EIF2A: variants seen among roughly 807,000 people sequenced by gnomAD.
The protein encoded by EIF2A is 65 kDa eukaryotic translation initiation factor 2A.
Under a neutral mutation model 75.2 loss-of-function variants are expected in EIF2A, and 62 were observed. The observed-to-expected ratio is 0.82, with a 90% CI of 0.67 to 1.02. EIF2A has a LOEUF of 1.02. Among genes scored for constraint, EIF2A ranks in the 50% least tolerant of loss-of-function variants. The pLI, the probability that EIF2A is intolerant of heterozygous loss-of-function variation, is 0.00. For missense variants in EIF2A, 611 were observed against 677.7 expected, an observed-to-expected ratio of 0.90 and a Z score of 1.09; for synonymous variants, 207 against 239.0, an observed-to-expected ratio of 0.87 and a Z score of 1.23.
intron 1 of EIF2A, 72 bp downstream of exon 1, chr3:150,546,902 C>G (rs779625108): frequency 7.5e-6 from 12 of 1,595,866 alleles, no homozygotes; most frequent in Non-Finnish European, 9.4e-6. Context: ...CCTTTGAGAA[C>G]TACCCGAGGA....
intron 7 of EIF2A, 21 bp downstream of exon 7, chr3:150,567,787 T>C: frequency 1.3e-6 from 2 of 1,569,740 alleles, no homozygotes; most frequent in Non-Finnish European, 1.7e-6. Context: ...TTTTTGTTTA[T>C]GTGTAATATT....
At position 150,572,339 on chromosome 3, in the gene EIF2A, A is replaced by G. The variant is rs749828981; in HGVS notation, c.1193A>G (p.His398Arg). 1.3e-5 allele frequency: 21 copies of G among 1,613,926 alleles called. No homozygotes were observed. Among genetic ancestry groups the G allele is most frequent in the Non-Finnish European group, 1.8e-5 (21 of 1,179,888 alleles). ...KIWHYTGSIL[H>R]KYDVPSNAEL... ...TGGCATTATACTGGCTCTATCTTGC[A>G]CAAGTATGATGTGCCATCAAATGCA... The change falls in exon 10 of 14, where the codon CAC becomes CGC. Residue 398 changes from histidine (H) to arginine (R), a missense_variant. His to Arg is a conservative substitution (Grantham distance 29). Transcript: ENST00000460851.
Position 150,572,057 on chromosome 3 carries a change from T to C in EIF2A, c.911T>C (p.Leu304Ser), listed in dbSNP as rs186828790. 5.9e-5 allele frequency: 95 copies of C among 1,613,998 alleles called. 1 individual carries two copies. In the Admixed American group the frequency reaches 1.6e-3, roughly 27 times the overall value. ...FMPAKATIFN[L>S]KCDPVFDFGT... ...CCTGCCAAAGCGACAATTTTCAACT[T>C]GAAATGTGATCCTGTATTTGACTTT... The change falls in exon 10 of 14, where the codon TTG (leucine) becomes TCG (serine). Residue 304 changes from leucine to serine, a missense_variant. Physicochemically the swap from Leu to Ser is moderately radical, Grantham distance 145. Transcript: ENST00000460851.
intron 1 of EIF2A, among the ~76,000 whole-genome samples, chr3:150,550,764 C>T (rs1206244128): frequency 6.6e-6 from 1 of 152,138 alleles, no homozygotes; most frequent in African/African-American, 2.4e-5. Context: ...CTTCCCAAGT[C>T]CAGGTGATCC....
rs775575993 is a variant in EIF2A, at chr3:150,568,292, C to T, written c.811C>T (p.Pro271Ser). ...TGGAGAAAGTGCTGTAGTGCAATTA[C>T]GTGAGTATTCCAGCAGTCTTCCTTT... ...TNGESAVVQL[P>S]KNGPIYDVVW... The change falls in exon 9 of 14, where the codon CCA (proline) becomes TCA (serine). Residue 271 changes from proline to serine, a missense_variant and splice_region_variant. Transcript: ENST00000460851. 50 of 1,604,472 alleles carry T rather than the reference C, an allele frequency of 3.1e-5. No individual in the cohort carries two copies. The highest frequency in any genetic ancestry group is 4.1e-5 in the Non-Finnish European group (48 of 1,174,288).
intron 1 of EIF2A, among the ~76,000 whole-genome samples, chr3:150,549,399 G>A (rs1159528683): frequency 6.6e-6 from 1 of 151,982 alleles, no homozygotes; most frequent in Non-Finnish European, 1.5e-5. Flanking sequence ...TGTATTTTTA[G>A]TAGAGTTGGG....
chr3:150,563,476 T>C, intron 4 of EIF2A, 39 bp from the exon 5 acceptor site: 1 of 1,459,802 alleles, frequency 6.9e-7, no homozygotes, highest in Non-Finnish European at 9.3e-7. Context: ...TTTACAAATG[T>C]TACAAGGCAA....
Position 150,546,787 on chromosome 3 carries a change from C to T in EIF2A, c.-16C>T. 1.9e-6 allele frequency: 3 copies of T among 1,612,430 alleles called. No homozygotes were observed. Among genetic ancestry groups the T allele is most frequent in the Non-Finnish European group, 2.5e-6 (3 of 1,179,862 alleles). Reference sequence around the variant, plus strand: ...TGGTGAACTCTCACCCGAGCGGTTTCTCTTTCCGGGACAACATGGCGCCGT... The same window carrying T: ...TGGTGAACTCTCACCCGAGCGGTTTTTCTTTCCGGGACAACATGGCGCCGT... On this transcript the variant is annotated 5_prime_UTR_variant, in exon 1 of 14. Transcript: ENST00000460851.
In EIF2A at chr3:150,562,623, C is replaced by A. The variant is rs1414440591; in HGVS notation, c.255C>A (p.Pro85=). Reference sequence around the variant, plus strand: ...AGGCAGTTTGCCTTGAATTCTCACCCAAAAATACTGTCCTGGCAACGTGGC... The same window carrying A: ...AGGCAGTTTGCCTTGAATTCTCACCAAAAAATACTGTCCTGGCAACGTGGC... ...LLKAVCLEFS[P]KNTVLATWQP... Residue 85 remains proline (P), a synonymous_variant, in exon 4 of 14, where the codon CCC becomes CCA. Coordinates refer to ENST00000460851, the MANE Select transcript of EIF2A (RefSeq NM_032025.5). 5 of 1,613,174 alleles carry A rather than the reference C, an allele frequency of 3.1e-6. No homozygotes were observed. The highest frequency in any genetic ancestry group is 2.2e-5 in the East Asian group (1 of 44,840).
chr3:150,562,588 G>T lies in EIF2A; in HGVS notation c.220G>T (p.Asp74Tyr). 12 of 1,613,386 alleles carry T rather than the reference G, an allele frequency of 7.4e-6. No homozygotes were observed. Among genetic ancestry groups the T allele is most frequent in the Non-Finnish European group, 1.0e-5 (12 of 1,179,664 alleles). ...VTNKGLLHSF[D>Y]LLKAVCLEFS... is the part of the protein sequence containing the mutation. ...TAACAAGGGACTACTGCACTCCTTCGACCTCCTGAAGGCAGTTTGCCTTGA... is the reference window on the plus strand; with the variant it reads ...TAACAAGGGACTACTGCACTCCTTCTACCTCCTGAAGGCAGTTTGCCTTGA... The change falls in exon 4 of 14, where the codon GAC becomes TAC. Residue 74 changes from aspartate (D) to tyrosine (Y), a missense_variant. By Grantham distance (160) the Asp-to-Tyr change is radical (BLOSUM62 -3). Coordinates refer to ENST00000460851, the MANE Select transcript of EIF2A (RefSeq NM_032025.5).
At chr3:150,560,913 G>T (rs575641922) in intron 3 of EIF2A, among the ~76,000 whole-genome samples, 26 of 152,090 alleles carry the variant, frequency 1.7e-4, no homozygotes, top group African/African-American at 6.3e-4. Context: ...TAAGATTGTT[G>T]TAAGGATTAA....
chr3:150,576,468 T>TAA (rs1385406665), intron 11 of EIF2A, among the ~76,000 whole-genome samples: 1 of 152,212 alleles, frequency 6.6e-6, no homozygotes, highest in South Asian at 2.1e-4. Flanking sequence ...CCTTGGCTCT[T>TAA]ACGTTATAAA....
chr3:150,572,223 T>C lies in EIF2A; in HGVS notation c.1077T>C (p.Asp359=). Residue 359 remains aspartate, a synonymous_variant, in exon 10 of 14, where the codon GAT becomes GAC. Coordinates refer to ENST00000460851, the MANE Select transcript of EIF2A (RefSeq NM_032025.5). ...TTATTTCTAAACCGGTGGCTTCTGA[T>C]TCTACATATTTTGCTTGGTGCCCGG... The part of the protein sequence containing the change: ...YKLISKPVAS[D]STYFAWCPDG... 1.2e-6 allele frequency: 2 copies of C among 1,613,954 alleles called. No individual in the cohort carries two copies. The highest frequency in any genetic ancestry group is 2.2e-5 in the South Asian group (2 of 91,074).
intron 1 of EIF2A, chr3:150,547,057 C>A: frequency 1.7e-6 from 1 of 583,378 alleles, no homozygotes. Context: ...ATCATTCTTG[C>A]CTGCGGATTC....
chr3:150,562,246 C>T (rs1723917166), intron 3 of EIF2A, among the ~76,000 whole-genome samples: 1 of 151,894 alleles, frequency 6.6e-6, no homozygotes, highest in Non-Finnish European at 1.5e-5. Context: ...CACGGTGAAA[C>T]CCCATCTCTA....
intron 1 of EIF2A, among the ~76,000 whole-genome samples, chr3:150,549,702 T>C (rs953799165): frequency 3.2e-4 from 49 of 152,162 alleles, no homozygotes; most frequent in Admixed American, 6.5e-5. Flanking sequence ...CAGTCAACTT[T>C]TAATCATGTA....
chr3:150,547,450 GA>G (rs1285692801), intron 1 of EIF2A, among the ~76,000 whole-genome samples: 1 of 152,202 alleles, frequency 6.6e-6, no homozygotes, highest in Non-Finnish European at 1.5e-5. Context: ...GAGGACTCTT[GA>G]AATTTTGAAG....
intron 3 of EIF2A, among the ~76,000 whole-genome samples, chr3:150,560,857 C>A (rs1723816927): frequency 6.7e-6 from 1 of 149,584 alleles, no homozygotes; most frequent in African/African-American, 2.5e-5. Flanking sequence ...TTTTATTTTT[C>A]TAAGCCTAAA....
chr3:150,564,970 C>T (rs1370615157), intron 6 of EIF2A: 1 of 167,886 alleles, frequency 6.0e-6, no homozygotes, highest in Non-Finnish European at 1.3e-5. Flanking sequence ...TTTTTTAAAA[C>T]TCGGGATCCA....
Sources: allele counts gnomAD v4.1 joint callset (sites outside exome capture counted in the v4.1 genomes callset), GRCh38; gene constraint gnomAD v4.1.1; transcripts MANE v1.5; gene names NCBI Gene and HGNC (gene_info 2026-07-23, HGNC 2026-07-21).